The following ERAP2 variants were observed in gnomAD, a reference collection of about 807,000 sequenced individuals.
The protein encoded by ERAP2 is endoplasmic reticulum aminopeptidase 2.
Under a neutral mutation model 111.1 loss-of-function variants are expected in ERAP2, and 118 were observed. That is an observed-to-expected ratio of 1.06 (90% CI 0.92 to 1.24). The LOEUF is 1.24. ERAP2 is among the 50% of genes most tolerant of loss of function. The pLI is 0.00. For synonymous variants in ERAP2, 410 were observed against 401.2 expected, an observed-to-expected ratio of 1.02 and a Z score of -0.26; for missense variants, 1,131 against 1,125.8, an observed-to-expected ratio of 1.00 and a Z score of -0.07.
intron 15 of ERAP2, chr5:96,910,346 G>A (rs1013841572): frequency 4.6e-5 from 7 of 151,290 alleles, no homozygotes; most frequent in African/African-American, 1.7e-4. Context: ...AAATCTGTGA[G>A]CTTTTTGAAA....
chr5:96,913,269 T>C (rs1257616368), intron 16 of ERAP2, 48 bp from the exon 17 acceptor site: 5 of 1,498,038 alleles, frequency 3.3e-6, no homozygotes, highest in Non-Finnish European at 3.7e-6. Flanking sequence ...TTAATGTCCA[T>C]GTACATAATA....
rs1412087369 is a variant in ERAP2, at chr5:96,909,227, G to C, written c.2169+110G>C. 3.9e-6 allele frequency: 4 copies of C among 1,028,598 alleles called. No homozygotes were observed. The African/African-American group carries it at 6.4e-5, about 16-fold the overall frequency. The allele number at this position is 1,028,598 out of a possible 1,614,324, so 63.7% of individuals were successfully genotyped here. A position where few individuals can be genotyped will look rare whatever the true frequency, so the allele number is the denominator to read the frequency against. On this transcript the variant is annotated intron_variant, in intron 14 of 18. Transcript: ENST00000437043. ...CTTGAGGTTAAATCTGGAGCAGCTC[G>C]GGGGACTGACTGATAGCATGTAATG...
At chr5:96,902,181 T>C (rs1785543102) in intron 11 of ERAP2, 93 bp from the exon 12 acceptor site, 1 of 821,222 alleles carries the variant, frequency 1.2e-6, no homozygotes, top group African/African-American at 1.7e-5. Context: ...TGATGGGTAC[T>C]TAGGTGCCTT....
Position 96,919,360 on chromosome 5 carries a change from GT to G in ERAP2, c.*1760del, listed in dbSNP as rs1027892042. On this transcript the variant is annotated 3_prime_UTR_variant, in exon 19 of 19. Coordinates refer to ENST00000437043, the MANE Select transcript of ERAP2 (RefSeq NM_022350.5). ...TTGACTTGGTGGTGGACCTTCCTTGGTTTTTATAACACCTAAGAGATATCCT... is the reference window on the plus strand; with the variant it reads ...TTGACTTGGTGGTGGACCTTCCTTGGTTTTATAACACCTAAGAGATATCCT... 3 of 152,110 alleles carry G rather than the reference GT, an allele frequency of 2.0e-5. No homozygotes were observed. The highest frequency in any genetic ancestry group is 4.4e-5 in the Non-Finnish European group (3 of 67,994). 9.4% of individuals were successfully genotyped at this position (152,110 alleles called of 1,614,324 possible). A position where few individuals can be genotyped will look rare whatever the true frequency, so the allele number is the denominator to read the frequency against.
chr5:96,913,454 A>G lies in ERAP2; in HGVS notation c.2654A>G (p.Lys885Arg). The change falls in exon 17 of 19, where the codon AAA becomes AGA. Residue 885 changes from lysine (K) to arginine (R), a missense_variant. Coordinates refer to ENST00000437043, the MANE Select transcript of ERAP2 (RefSeq NM_022350.5). ...FVRENWTHLLKKFDLGSYDIR... is the reference protein window; with the variant it reads ...FVRENWTHLLRKFDLGSYDIR... ...AGAGAAAATTGGACCCATCTTCTGAAAAAGTTGGTATTCATTTTCATCCAA... is the reference window on the plus strand; with the variant it reads ...AGAGAAAATTGGACCCATCTTCTGAGAAAGTTGGTATTCATTTTCATCCAA... 6.2e-7 allele frequency: 1 copy of G among 1,613,956 alleles called. No homozygotes were observed.
At chr5:96,882,031 C>G (rs1286077012) in intron 2 of ERAP2, among the ~76,000 whole-genome samples, 1 of 152,174 alleles carries the variant, frequency 6.6e-6, no homozygotes, top group Non-Finnish European at 1.5e-5. Context: ...TTCCCTTCCC[C>G]ACTTGGGTGC....
At chr5:96,881,704 T>G (rs1783152950) in intron 2 of ERAP2, among the ~76,000 whole-genome samples, 1 of 152,102 alleles carries the variant, frequency 6.6e-6, no homozygotes, top group Non-Finnish European at 1.5e-5. Flanking sequence ...GCTTTCTTCC[T>G]AATACTTGCA....
In ERAP2 at chr5:96,893,666, AG is replaced by A. The variant is rs1381604501; in HGVS notation, c.1125+1214del. Among the ~76,000 whole-genome samples the A allele has an allele frequency of 6.6e-5, 10 of 152,286 alleles. No homozygotes were observed. The South Asian group carries it at 2.1e-3, about 32-fold the overall frequency. ...CTTCTCTTCCACGGAGATGCAGTCAAGTGCTGAAGCAGCAAACAGCACTGGA... is the reference window on the plus strand; with the variant it reads ...CTTCTCTTCCACGGAGATGCAGTCAATGCTGAAGCAGCAAACAGCACTGGA... On this transcript the variant is annotated intron_variant, in intron 6 of 18. Transcript: ENST00000437043.
At chr5:96,896,625 C>G in intron 8 of ERAP2, 107 bp from the exon 9 acceptor site, 1 of 1,434,048 alleles carries the variant, frequency 7.0e-7, no homozygotes, top group Non-Finnish European at 9.3e-7. Flanking sequence ...TATTTGTTCA[C>G]TTTTCAGACA....
intron 4 of ERAP2, among the ~76,000 whole-genome samples, chr5:96,887,138 C>A (rs1259297265): frequency 4.1e-5 from 6 of 147,420 alleles, no homozygotes; most frequent in Non-Finnish European, 6.0e-5. Context: ...TACATATATA[C>A]CCTTTGCAAA....
At position 96,919,004 on chromosome 5, in the gene ERAP2, T is replaced by C. The variant is rs995109161; in HGVS notation, c.*1399T>C. On this transcript the variant is annotated 3_prime_UTR_variant, in exon 19 of 19. Transcript: ENST00000437043. ...AAGAAAAGATCACTCTACATACAGA[T>C]AGTAAACTTAATTTGTGATCCTATA... 1 of 152,220 alleles carries C rather than the reference T, an allele frequency of 6.6e-6. No individual in the cohort carries two copies. The highest frequency in any genetic ancestry group is 2.4e-5 in the African/African-American group (1 of 41,460). 9.4% of individuals were successfully genotyped at this position (152,220 alleles called of 1,614,324 possible).
At chr5:96,911,322 G>GT (rs993508183) in intron 15 of ERAP2, among the ~76,000 whole-genome samples, 1 of 152,076 alleles carries the variant, frequency 6.6e-6, no homozygotes, top group Non-Finnish European at 1.5e-5. Context: ...TCTGTGTTGT[G>GT]TTTTTTCTGA....
At chr5:96,883,181 G>A (rs908089767) in intron 2 of ERAP2, among the ~76,000 whole-genome samples, 5 of 152,270 alleles carry the variant, frequency 3.3e-5, no homozygotes, top group East Asian at 1.9e-4. Flanking sequence ...ACGTGAAGGC[G>A]TAGTTTGCAT....
At position 96,892,150 on chromosome 5, in the gene ERAP2, G is replaced by C. The variant is rs544616996; in HGVS notation, c.971-149G>C. The C allele has an allele frequency of 5.4e-5, 39 of 721,124 alleles. No homozygotes were observed. The Middle Eastern group carries it at 1.2e-3, about 22-fold the overall frequency. The allele number at this position is 721,124 out of a possible 1,614,324, so 44.7% of individuals were successfully genotyped here. On this transcript the variant is annotated intron_variant, in intron 5 of 18. Coordinates refer to ENST00000437043, the MANE Select transcript of ERAP2 (RefSeq NM_022350.5). ...CTGATTATTTTCAGCGCAACTATAAGACACCCTGTCAATGTTAAGATATTC... is the reference window on the plus strand; with the variant it reads ...CTGATTATTTTCAGCGCAACTATAACACACCCTGTCAATGTTAAGATATTC...
intron 2 of ERAP2, 59 bp from the exon 3 acceptor site, chr5:96,883,733 A>T: frequency 6.5e-7 from 1 of 1,544,670 alleles, no homozygotes; most frequent in South Asian, 1.2e-5. Context: ...GAATGTACAG[A>T]TTCATTTCTC....
chr5:96,902,149 C>A, intron 11 of ERAP2, 125 bp from the exon 12 acceptor site: 3 of 602,660 alleles, frequency 5.0e-6, no homozygotes, highest in South Asian at 2.4e-5. Flanking sequence ...TTTATAAGAC[C>A]ACTTGTGGGT....
chr5:96,886,527 C>T (rs1783734043), intron 3 of ERAP2, 128 bp from the exon 4 acceptor site: 2 of 635,440 alleles, frequency 3.1e-6, no homozygotes, highest in Non-Finnish European at 4.7e-6. Flanking sequence ...GGCCATTGCC[C>T]CCCTAGGAGG....
At chr5:96,881,866 T>A (rs529695185) in intron 2 of ERAP2, among the ~76,000 whole-genome samples, 9 of 152,336 alleles carry the variant, frequency 5.9e-5, no homozygotes, top group African/African-American at 2.2e-4. Flanking sequence ...TAGACCAGAA[T>A]GAGTCATAGC....
intron 12 of ERAP2, 152 bp from the exon 13 acceptor site, chr5:96,903,225 C>A: frequency 3.5e-6 from 2 of 568,542 alleles, no homozygotes; most frequent in Non-Finnish European, 6.0e-6. Context: ...AGAAATCATC[C>A]AGTGAACTAC....
Sources: allele counts gnomAD v4.1 joint callset (sites outside exome capture counted in the v4.1 genomes callset), GRCh38; gene constraint gnomAD v4.1.1; transcripts MANE v1.5; gene names NCBI Gene and HGNC (gene_info 2026-07-23, HGNC 2026-07-21).